The following MYOF variants were observed in gnomAD, a reference collection of about 807,000 sequenced individuals.
The protein encoded by MYOF is fer-1-like 3, myoferlin.
A neutral mutation model predicts 284.2 loss-of-function variants in MYOF; 244 were observed. That is an observed-to-expected ratio of 0.86 (90% CI 0.77 to 0.95). MYOF has a LOEUF of 0.95. MYOF is among the 40% of genes least tolerant of loss of function. The pLI is 0.00. For missense variants in MYOF, 2,496 were observed against 2,560.6 expected (o/e 0.97, Z 0.54); for synonymous variants, 904 against 919.7 (o/e 0.98, Z 0.31).
intron 51 of MYOF, among the ~76,000 whole-genome samples, chr10:93,311,215 G>A (rs917455342): frequency 9.2e-5 from 14 of 152,090 alleles, no homozygotes; most frequent in Non-Finnish European, 1.6e-4. Flanking sequence ...GTTCTACATG[G>A]GTTATCTCAT....
intron 53 of MYOF, 35 bp from the exon 54 acceptor site, chr10:93,307,036 T>C (rs910880868): frequency 6.4e-6 from 10 of 1,570,216 alleles, no homozygotes; most frequent in African/African-American, 5.4e-5. Flanking sequence ...TAAAAAAACA[T>C]GTATGTATAT....
At chr10:93,386,704 T>TA (rs1846381811) in intron 19 of MYOF, among the ~76,000 whole-genome samples, 1 of 152,196 alleles carries the variant, frequency 6.6e-6, no homozygotes, top group Non-Finnish European at 1.5e-5. Context: ...AACCTCCTGA[T>TA]ACGGCTGCCT....
At chr10:93,374,041 G>A (rs1845721765) in intron 23 of MYOF, among the ~76,000 whole-genome samples, 1 of 152,134 alleles carries the variant, frequency 6.6e-6, no homozygotes, top group Non-Finnish European at 1.5e-5. Context: ...GCCCCGGTGT[G>A]TGATGTTCCC....
At chr10:93,479,149 T>C (rs975078127) in intron 1 of MYOF, among the ~76,000 whole-genome samples, 3 of 152,030 alleles carry the variant, frequency 2.0e-5, no homozygotes, top group Admixed American at 1.3e-4. Context: ...TTTTTCCTTT[T>C]TTTTTTTTTG....
intron 1 of MYOF, among the ~76,000 whole-genome samples, chr10:93,460,767 CAAA>C (rs757591863): frequency 4.3e-4 from 11 of 25,304 alleles, no homozygotes; most frequent in South Asian, 3.6e-3. Context: ...ACCCCATCTC[CAAA>C]AAAAAAAAAA....
intron 43 of MYOF, among the ~76,000 whole-genome samples, chr10:93,331,823 A>G (rs1843322296): frequency 6.6e-6 from 1 of 152,212 alleles, no homozygotes; most frequent in Non-Finnish European, 1.5e-5. Flanking sequence ...TATGGGCAAG[A>G]TAATAAAGCC....
chr10:93,439,104 T>C (rs1469440661), intron 3 of MYOF, among the ~76,000 whole-genome samples: 2 of 152,186 alleles, frequency 1.3e-5, no homozygotes, highest in African/African-American at 4.8e-5. Context: ...TTTGCACGAT[T>C]TTCGTGGCCA....
chr10:93,344,183 T>C (rs1292762945), intron 37 of MYOF, among the ~76,000 whole-genome samples: 2 of 152,234 alleles, frequency 1.3e-5, no homozygotes, highest in South Asian at 2.1e-4. Context: ...AGACAATTAG[T>C]CCAGTGCCTA....
intron 17 of MYOF, 70 bp downstream of exon 17, chr10:93,392,847 T>C (rs1316100554): frequency 7.1e-7 from 1 of 1,404,662 alleles, no homozygotes; most frequent in Non-Finnish European, 9.9e-7. Context: ...CTAAAGACAG[T>C]CGATACATTC....
intron 40 of MYOF, 147 bp downstream of exon 40, chr10:93,337,668 A>G: frequency 1.6e-6 from 1 of 628,878 alleles, no homozygotes; most frequent in East Asian, 2.8e-5. Flanking sequence ...AACTCATGCA[A>G]GAGGGCTCTC....
intron 3 of MYOF, among the ~76,000 whole-genome samples, chr10:93,449,995 C>A (rs1316326101): frequency 2.0e-5 from 3 of 152,034 alleles, no homozygotes; most frequent in Non-Finnish European, 2.9e-5. Context: ...ATTTACTGTA[C>A]CCCTGTAATC....
At chr10:93,460,767 C>CAA (rs757591863) in intron 1 of MYOF, among the ~76,000 whole-genome samples, 367 of 25,260 alleles carry the variant, frequency 0.015, 5 homozygotes, top group African/African-American at 0.025. Flanking sequence ...ACCCCATCTC[C>CAA]AAAAAAAAAA....
At chr10:93,326,076 C>T in intron 45 of MYOF, 111 bp from the exon 46 acceptor site, 1 of 1,344,272 alleles carries the variant, frequency 7.4e-7, no homozygotes, top group Non-Finnish European at 1.0e-6. Context: ...AATGGACAGG[C>T]AGTGCCAACA....
At chr10:93,440,757 G>A (rs753628830) in intron 3 of MYOF, among the ~76,000 whole-genome samples, 3 of 152,108 alleles carry the variant, frequency 2.0e-5, no homozygotes, top group East Asian at 1.9e-4. Context: ...GAGATCACCC[G>A]CCAAAGAGCC....
intron 2 of MYOF, among the ~76,000 whole-genome samples, chr10:93,453,482 A>G (rs1395576218): frequency 6.6e-6 from 1 of 152,132 alleles, no homozygotes; most frequent in Non-Finnish European, 1.5e-5. Flanking sequence ...TAGTTTTAAT[A>G]GAAACAGGGT....
intron 3 of MYOF, among the ~76,000 whole-genome samples, chr10:93,437,685 A>G (rs752773562): frequency 3.7e-4 from 56 of 152,170 alleles, no homozygotes; most frequent in Non-Finnish European, 1.6e-4. Context: ...TAGGAAACCT[A>G]AAAAGATGGT....
At chr10:93,471,534 C>A (rs1385945000) in intron 1 of MYOF, among the ~76,000 whole-genome samples, 1 of 152,100 alleles carries the variant, frequency 6.6e-6, no homozygotes, top group African/African-American at 2.4e-5. Flanking sequence ...AAATCCTGAC[C>A]TGTCTCTGCC....
In MYOF at chr10:93,426,096, G is replaced by T. The variant is rs762163573; in HGVS notation, c.408C>A (p.Ser136Arg). The change falls in exon 5 of 54, where the codon AGC becomes AGA. Residue 136 changes from serine (S) to arginine (R), a missense_variant. By Grantham distance (110) the Ser-to-Arg change is moderately radical (BLOSUM62 -1). Transcript: ENST00000359263. ...PPSAPHPNDL[S>R]GPSVPGMGGD... is the part of the protein sequence containing the mutation. ...CTCCCATGCCTGGCACGCTGGGCCC[G>T]CTCAGGTCATTTGGATGTGGAGCAG... The T allele has an allele frequency of 4.5e-6, 7 of 1,559,258 alleles. No individual in the cohort carries two copies. Among genetic ancestry groups the T allele is most frequent in the Non-Finnish European group, 5.2e-6 (6 of 1,150,890 alleles).
At chr10:93,363,324 T>TA (rs1309066518) in intron 27 of MYOF, among the ~76,000 whole-genome samples, 6 of 152,228 alleles carry the variant, frequency 3.9e-5, no homozygotes, top group Non-Finnish European at 5.9e-5. Flanking sequence ...TGATTTCCTT[T>TA]AATGCTGCTT....
Sources: allele counts gnomAD v4.1 joint callset (sites outside exome capture counted in the v4.1 genomes callset), GRCh38; gene constraint gnomAD v4.1.1; transcripts MANE v1.5; gene names NCBI Gene and HGNC (gene_info 2026-07-23, HGNC 2026-07-21).